USP37: variants seen among roughly 807,000 people sequenced by gnomAD.
The protein encoded by USP37 is ubiquitin specific peptidase 37, also known as ubiquitin carboxyl-terminal hydrolase 37.
A neutral mutation model predicts 124.0 loss-of-function variants in USP37; 27 were observed. The ratio of observed to expected loss-of-function variants is 0.22; its 90% CI spans 0.16 to 0.30. The LOEUF is 0.30. Ranked by LOEUF, USP37 falls within the 10% of genes least tolerant of loss-of-function variation. The pLI is 1.00. For missense variants in USP37, 889 were observed against 1,140.4 expected (o/e 0.78, Z 3.17); for synonymous variants, 365 against 388.0 (o/e 0.94, Z 0.70).
At chr2:218,529,477 CAAAAAAAA>C (rs71403049) in intron 10 of USP37, among the ~76,000 whole-genome samples, 7,310 of 112,572 alleles carry the variant, frequency 0.065, 523 homozygotes, top group African/African-American at 0.2. Context: ...TGGTCTCAAA[CAAAAAAAA>C]AAAAAAAAAA....
At chr2:218,482,281 G>GT in intron 16 of USP37, 47 bp from the exon 17 acceptor site, 1 of 1,557,472 alleles carries the variant, frequency 6.4e-7, no homozygotes. Flanking sequence ...CATAATACAT[G>GT]TATCTTTCTT....
chr2:218,489,538 A>G (rs1357813870), intron 14 of USP37, among the ~76,000 whole-genome samples: 1 of 151,130 alleles, frequency 6.6e-6, no homozygotes, highest in African/African-American at 2.4e-5. Flanking sequence ...CTGGAGTGCA[A>G]TGGCACGATC....
intron 23 of USP37, among the ~76,000 whole-genome samples, chr2:218,458,274 A>C (rs887900649): frequency 2.0e-5 from 3 of 149,826 alleles, no homozygotes; most frequent in African/African-American, 4.9e-5. Context: ...AAAAAAAAAA[A>C]AACAACTCTA....
At chr2:218,539,440 C>T (rs1691852218) in intron 8 of USP37, among the ~76,000 whole-genome samples, 1 of 152,214 alleles carries the variant, frequency 6.6e-6, no homozygotes, top group East Asian at 1.9e-4. Context: ...ATTGGCCGGG[C>T]ACAGTGGCTC....
rs757511411 is a variant in USP37, at chr2:218,454,933, C to T, written c.2937G>A (p.Leu979=). 32 of 1,613,870 alleles carry T rather than the reference C, an allele frequency of 2.0e-5. No individual in the cohort carries two copies. The highest frequency in any genetic ancestry group is 5.0e-5 in the Admixed American group (3 of 59,928). ...TEVGKTTRQA[L] ...TGCCAACCCAGGAGTTTGTTCCTCA[C>T]AAGGCCTGACGGGTAGTCTTCCCCA... Residue 979 remains leucine (L), a synonymous_variant, in exon 26 of 26, where the codon TTG becomes TTA. Transcript: ENST00000258399.
rs979674918 is a variant in USP37 at position 218,454,830 on chromosome 2, G to A, written c.*100C>T. 45 of 1,540,958 alleles carry A rather than the reference G, an allele frequency of 2.9e-5. No homozygotes were observed. The highest frequency in any genetic ancestry group is 2.8e-4 in the African/African-American group (20 of 72,122). On this transcript the variant is annotated 3_prime_UTR_variant, in exon 26 of 26. Transcript: ENST00000258399. ...TGGCCCTGAGCTGTTTGTTGCTCCCGCATCAAGTAGAATTCCAAATTCTCC... is the reference window on the plus strand; with the variant it reads ...TGGCCCTGAGCTGTTTGTTGCTCCCACATCAAGTAGAATTCCAAATTCTCC...
intron 11 of USP37, among the ~76,000 whole-genome samples, chr2:218,500,286 G>A (rs1175579239): frequency 1.3e-5 from 2 of 152,004 alleles, no homozygotes; most frequent in Non-Finnish European, 2.9e-5. Context: ...TTGAGACGGA[G>A]CCTTGCTCTG....
chr2:218,483,608 G>GA (rs1366522164), intron 16 of USP37, among the ~76,000 whole-genome samples: 2 of 140,346 alleles, frequency 1.4e-5, no homozygotes, highest in Non-Finnish European at 3.1e-5. Context: ...AAAAAAAAAA[G>GA]AAAAAAAAGA....
At chr2:218,468,508 C>A (rs922051755) in intron 20 of USP37, among the ~76,000 whole-genome samples, 8 of 152,182 alleles carry the variant, frequency 5.3e-5, no homozygotes, top group Middle Eastern at 6.8e-3. Context: ...CAGGATTGAG[C>A]CACCATGCCC....
chr2:218,489,367 AAAAAG>A (rs1406193068), intron 14 of USP37, among the ~76,000 whole-genome samples: 3 of 151,386 alleles, frequency 2.0e-5, no homozygotes, highest in African/African-American at 7.3e-5. Context: ...CAAAAAAAAA[AAAAAG>A]AAAAACAACA....
chr2:218,524,670 C>T (rs1386070554), intron 10 of USP37, among the ~76,000 whole-genome samples: 4 of 152,254 alleles, frequency 2.6e-5, no homozygotes, highest in South Asian at 4.1e-4. Flanking sequence ...AGTGCAGTGG[C>T]GCGTTTTCGG....
chr2:218,554,376 T>C (rs1692834053), intron 4 of USP37, among the ~76,000 whole-genome samples: 5 of 152,160 alleles, frequency 3.3e-5, no homozygotes, highest in Admixed American at 3.3e-4. Flanking sequence ...CAGATATAGT[T>C]ATAGAGGATA....
rs185189155 is a variant in USP37, at chr2:218,542,838, C to T, written c.680+3383G>A. Among the ~76,000 whole-genome samples, 138 of 152,282 alleles carry T rather than the reference C, an allele frequency of 9.1e-4. 1 individual carries two copies. The highest frequency in any genetic ancestry group is 2.4e-3 in the African/African-American group (101 of 41,566). ...GTGCAAATACCTTTGTGCATAAACT[C>T]GCTAGAGTGAATTTTGTTCCCTTCA... On this transcript the variant is annotated intron_variant, in intron 8 of 25. Transcript: ENST00000258399.
chr2:218,459,317 G>A (rs147418860), intron 23 of USP37, among the ~76,000 whole-genome samples: 2,610 of 152,234 alleles, frequency 0.017, 30 homozygotes, highest in Non-Finnish European at 0.028. Flanking sequence ...TGATTCTCCT[G>A]CCTCAGCCTC....
intron 10 of USP37, among the ~76,000 whole-genome samples, chr2:218,518,400 A>G (rs1295958045): frequency 6.6e-6 from 1 of 152,212 alleles, no homozygotes; most frequent in Non-Finnish European, 1.5e-5. Context: ...CTGCCGATCT[A>G]AACTATTTCT....
rs180716240 is a variant in USP37 at position 218,462,133 on chromosome 2, G to T, written c.2527+1173C>A. Among the ~76,000 whole-genome samples the T allele has an allele frequency of 5.6e-3, 855 of 151,958 alleles. 8 individuals are homozygous for T. Among genetic ancestry groups the T allele is most frequent in the Non-Finnish European group, 8.3e-3 (562 of 67,978 alleles). The stretch of plus-strand genomic sequence containing the variant: ...GATTGTGCCATTGCACTCCAGCCTC[G>T]GCAACAAGAGTGAAACTCTGTCTCA... On this transcript the variant is annotated intron_variant, in intron 22 of 25. Coordinates refer to ENST00000258399, the MANE Select transcript of USP37 (RefSeq NM_020935.3).
Position 218,510,201 on chromosome 2 carries a change from T to A in USP37, c.864-61A>T, listed in dbSNP as rs899646589. ...AATTTTTGAATACTACTATTTTCCTTGAATAGATTAAGAGAAGTCAATGTT... is the reference window on the plus strand; with the variant it reads ...AATTTTTGAATACTACTATTTTCCTAGAATAGATTAAGAGAAGTCAATGTT... On this transcript the variant is annotated intron_variant, in intron 10 of 25. Coordinates refer to ENST00000258399, the MANE Select transcript of USP37 (RefSeq NM_020935.3). 1.1e-5 allele frequency: 17 copies of A among 1,538,506 alleles called. No individual in the cohort carries two copies. In the African/African-American group the frequency reaches 2.4e-4, roughly 21 times the overall value.
intron 15 of USP37, 75 bp downstream of exon 15, chr2:218,488,213 TTTGCCTTGAAGAAACC>T (rs1691695049): frequency 2.7e-6 from 2 of 731,614 alleles, no homozygotes; most frequent in Non-Finnish European, 4.3e-6. Context: ...GAAAAGAAAC[TTTGCCTTGAAGAAACC>T]AACTTCAAAT....
intron 4 of USP37, 99 bp downstream of exon 4, chr2:218,558,399 T>A: frequency 9.4e-7 from 1 of 1,061,956 alleles, no homozygotes; most frequent in Non-Finnish European, 1.3e-6. Context: ...GAAATATTAA[T>A]CTAGGAGGAG....
Sources: gnomAD v4.1 joint callset for allele counts (sites outside exome capture counted in the v4.1 genomes callset) on GRCh38, gnomAD v4.1.1 for gene constraint, MANE v1.5 for transcripts, NCBI Gene and HGNC (gene_info 2026-07-23, HGNC 2026-07-21) for gene names.